The following TSTD2 variants were observed in gnomAD, a reference collection of about 807,000 sequenced individuals.
The protein encoded by TSTD2 is thiosulfate sulfurtransferase/rhodanese-like domain-containing protein 2.
TSTD2 carries 37 observed loss-of-function variants against 47.9 expected under a neutral mutation model. That is an observed-to-expected ratio of 0.77 (90% CI 0.59 to 1.02). The LOEUF (loss-of-function observed/expected upper bound fraction) is 1.02, where lower values mean the gene tolerates loss of function less well. Ranked by LOEUF, TSTD2 falls within the 50% of genes least tolerant of loss-of-function variation. The pLI, the probability that TSTD2 is intolerant of heterozygous loss-of-function variation, is 0.00. For synonymous variants in TSTD2, 201 were observed against 215.9 expected, an observed-to-expected ratio of 0.93 and a Z score of 0.61; for missense variants, 586 against 616.0, an observed-to-expected ratio of 0.95 and a Z score of 0.52.
chr9:97,600,329 C>T lies in TSTD2; in HGVS notation c.*2140G>A. 1 of 985,990 alleles carries T rather than the reference C, an allele frequency of 1.0e-6. No individual in the cohort carries two copies. The highest frequency in any genetic ancestry group is 1.2e-6 in the Non-Finnish European group (1 of 830,116). The allele number at this position is 985,990 out of a possible 1,614,324, so 61.1% of individuals were successfully genotyped here. A position where few individuals can be genotyped will look rare whatever the true frequency, so the allele number is the denominator to read the frequency against. ...TATGCAGAAATGATAGGAAAAAAAC[C>T]AATGGTGAAATTTCAAGTTTCAAAA... On this transcript the variant is annotated 3_prime_UTR_variant, in exon 10 of 10. Transcript: ENST00000341170.
At chr9:97,623,345 T>G (rs970156755) in intron 3 of TSTD2, among the ~76,000 whole-genome samples, 13 of 152,202 alleles carry the variant, frequency 8.5e-5, no homozygotes, top group African/African-American at 3.1e-4. Context: ...TGCGGAACTG[T>G]TAAGTCCATT....
Position 97,627,565 on chromosome 9 carries a change from G to C in TSTD2, c.-3C>G. The C allele has an allele frequency of 6.3e-7, 1 of 1,599,340 alleles. No homozygotes were observed. Among genetic ancestry groups the C allele is most frequent in the African/African-American group, 1.3e-5 (1 of 74,564 alleles). On this transcript the variant is annotated 5_prime_UTR_variant, in exon 2 of 10. Coordinates refer to ENST00000341170, the MANE Select transcript of TSTD2 (RefSeq NM_139246.5). The stretch of plus-strand genomic sequence containing the variant: ...TCTGGTGAAGTGGAAGAAGGCATCT[G>C]GTTTGGTTGCAACAGTGAAGCAGAT...
At chr9:97,611,908 T>G (rs1826467697) in intron 4 of TSTD2, among the ~76,000 whole-genome samples, 1 of 152,210 alleles carries the variant, frequency 6.6e-6, no homozygotes, top group South Asian at 2.1e-4. Flanking sequence ...GCAGGTTTGC[T>G]CTGCAGGTAA....
intron 4 of TSTD2, among the ~76,000 whole-genome samples, chr9:97,616,174 G>T (rs777894359): frequency 6.6e-6 from 1 of 152,162 alleles, no homozygotes; most frequent in Non-Finnish European, 1.5e-5. Context: ...TAGTTTGCTT[G>T]TAAGAAGGCC....
chr9:97,621,204 G>T (rs1001622134), intron 3 of TSTD2, among the ~76,000 whole-genome samples: 3 of 152,146 alleles, frequency 2.0e-5, no homozygotes, highest in African/African-American at 7.2e-5. Flanking sequence ...CATAAATTGT[G>T]AAGATTTCAT....
intron 4 of TSTD2, among the ~76,000 whole-genome samples, chr9:97,616,663 G>A (rs1826546977): frequency 6.6e-6 from 1 of 152,192 alleles, no homozygotes; most frequent in Admixed American, 6.5e-5. Flanking sequence ...AAATATCACT[G>A]ATCAATTCAG....
In TSTD2 at chr9:97,627,380, C is replaced by T. The variant is rs1826739503; in HGVS notation, c.165+18G>A. ...TAACCACACATACATGATCATGAAACATTCATAAGAATTCTACCTTTTTCT... is the reference window on the plus strand; with the variant it reads ...TAACCACACATACATGATCATGAAATATTCATAAGAATTCTACCTTTTTCT... On this transcript the variant is annotated intron_variant, in intron 2 of 9. Transcript: ENST00000341170. The T allele has an allele frequency of 1.3e-6, 2 of 1,577,738 alleles. No individual in the cohort carries two copies. Among genetic ancestry groups the T allele is most frequent in the Admixed American group, 1.8e-5 (1 of 56,218 alleles).
At chr9:97,632,565 T>C (rs1826847685) in intron 1 of TSTD2, among the ~76,000 whole-genome samples, 1 of 145,956 alleles carries the variant, frequency 6.9e-6, no homozygotes. Flanking sequence ...TTTTTTTTCC[T>C]GTAAAGACGG....
At chr9:97,631,712 C>T (rs895692489) in intron 1 of TSTD2, among the ~76,000 whole-genome samples, 2 of 152,076 alleles carry the variant, frequency 1.3e-5, no homozygotes, top group African/African-American at 4.8e-5. Context: ...GGTGTGGTGG[C>T]GCATGTCTGT....
intron 6 of TSTD2, among the ~76,000 whole-genome samples, chr9:97,606,716 C>G (rs1826370759): frequency 6.6e-6 from 1 of 152,136 alleles, no homozygotes; most frequent in Admixed American, 6.5e-5. Flanking sequence ...GTAAACTGTT[C>G]TATATTAAGG....
intron 4 of TSTD2, among the ~76,000 whole-genome samples, chr9:97,613,405 T>C (rs1468407223): frequency 6.6e-6 from 1 of 152,162 alleles, no homozygotes; most frequent in Non-Finnish European, 1.5e-5. Context: ...ATACGATTTG[T>C]TGAATAAATG....
At chr9:97,612,090 C>T (rs1386150283) in intron 4 of TSTD2, among the ~76,000 whole-genome samples, 1 of 152,180 alleles carries the variant, frequency 6.6e-6, no homozygotes, top group Non-Finnish European at 1.5e-5. Context: ...TTAGCTCCCA[C>T]TTATAAGTGA....
At chr9:97,629,487 C>T (rs924713251) in intron 1 of TSTD2, among the ~76,000 whole-genome samples, 2 of 152,202 alleles carry the variant, frequency 1.3e-5, no homozygotes, top group Non-Finnish European at 2.9e-5. Flanking sequence ...CAAGGTAATA[C>T]AGATTTATTA....
intron 3 of TSTD2, among the ~76,000 whole-genome samples, chr9:97,624,336 A>T (rs922244052): frequency 2.6e-5 from 4 of 152,166 alleles, no homozygotes; most frequent in African/African-American, 9.7e-5. Flanking sequence ...AGACCCCCAC[A>T]GAGAGGAATG....
chr9:97,625,664 C>G lies in TSTD2; in HGVS notation c.482+17G>C, dbSNP rs377348491. ...AAATACTTTAAATCAAACCAAAATA[C>G]AGAATGAAAATCTTACCTTATCAGC... On this transcript the variant is annotated intron_variant, in intron 3 of 9. Coordinates refer to ENST00000341170, the MANE Select transcript of TSTD2 (RefSeq NM_139246.5). 138 of 1,583,838 alleles carry G rather than the reference C, an allele frequency of 8.7e-5. 2 individuals are homozygous for G. The highest frequency in any genetic ancestry group is 1.3e-4 in the Admixed American group (7 of 54,920).
intron 1 of TSTD2, among the ~76,000 whole-genome samples, chr9:97,630,482 TAAACAAACAAAC>T (rs140932255): frequency 4.7e-5 from 6 of 126,502 alleles, no homozygotes; most frequent in African/African-American, 5.7e-5. Flanking sequence ...AAGTAAGTAA[TAAACAAACAAAC>T]AAACAAACAA....
rs1826253837 is a variant in TSTD2 at position 97,601,346 on chromosome 9, G to C, written c.*1123C>G. On this transcript the variant is annotated 3_prime_UTR_variant, in exon 10 of 10. Coordinates refer to ENST00000341170, the MANE Select transcript of TSTD2 (RefSeq NM_139246.5). ...CTGGGCAGCCACCATGGCAGTGCTG[G>C]ATGACCTCAGTAAGAATGTGTCATG... The C allele has an allele frequency of 8.8e-7, 1 of 1,139,296 alleles. No homozygotes were observed. The highest frequency in any genetic ancestry group is 1.1e-6 in the Non-Finnish European group (1 of 913,856). 70.6% of individuals were successfully genotyped at this position (1,139,296 alleles called of 1,614,324 possible).
At chr9:97,617,667 A>C in intron 4 of TSTD2, 90 bp downstream of exon 4, 4 of 1,452,466 alleles carry the variant, frequency 2.8e-6, no homozygotes, top group Non-Finnish European at 3.7e-6. Flanking sequence ...TCAACAGTGA[A>C]TCTTTTTTAT....
At position 97,611,600 on chromosome 9, in the gene TSTD2, C is replaced by T; in HGVS notation, c.703G>A (p.Asp235Asn). The T allele has an allele frequency of 1.2e-6, 2 of 1,608,802 alleles. No individual in the cohort carries two copies. The highest frequency in any genetic ancestry group is 1.7e-6 in the Non-Finnish European group (2 of 1,175,482). ...EVMLSFPLFK[D>N]DLCKDDFKTS... ...TTAAAATCATCTTTACACAGGTCATCCTTAAACAATGGGAAGGAAAGCATG... is the reference window on the plus strand; with the variant it reads ...TTAAAATCATCTTTACACAGGTCATTCTTAAACAATGGGAAGGAAAGCATG... Residue 235 changes from aspartate (D) to asparagine (N), a missense_variant, in exon 5 of 10, where the codon GAT becomes AAT. Physicochemically the swap from Asp to Asn is conservative, Grantham distance 23. Coordinates refer to ENST00000341170, the MANE Select transcript of TSTD2 (RefSeq NM_139246.5).
Sources: allele counts gnomAD v4.1 joint callset (sites outside exome capture counted in the v4.1 genomes callset), GRCh38; gene constraint gnomAD v4.1.1; transcripts MANE v1.5; gene names NCBI Gene and HGNC (gene_info 2026-07-23, HGNC 2026-07-21).